Variants in MACROD2 observed in about 807,000 individuals in gnomAD.
MACROD2 encodes the protein mono-ADP ribosylhydrolase 2.
In MACROD2, 36 loss-of-function variants were observed where a neutral mutation model predicts 70.4. The ratio of observed to expected loss-of-function variants is 0.51; its 90% CI spans 0.39 to 0.68. The LOEUF is 0.68. Among genes scored for constraint, MACROD2 ranks in the 30% least tolerant of loss-of-function variants. The pLI is 0.00. For missense variants in MACROD2, 496 were observed against 538.4 expected (o/e 0.92, Z 0.78); for synonymous variants, 172 against 178.8 (o/e 0.96, Z 0.30).
chr20:15,118,700 T>C (rs548723350), intron 5 of MACROD2, among the ~76,000 whole-genome samples: 45 of 152,338 alleles, frequency 3.0e-4, no homozygotes, highest in South Asian at 1.9e-3. Flanking sequence ...GTTTAGGTTG[T>C]AGAACAAATC....
chr20:14,599,085 C>T (rs1379611871), intron 4 of MACROD2, among the ~76,000 whole-genome samples: 2 of 151,972 alleles, frequency 1.3e-5, no homozygotes, highest in Non-Finnish European at 2.9e-5. Context: ...AGGCATTAAC[C>T]ATCTAGCAGG....
intron 8 of MACROD2, among the ~76,000 whole-genome samples, chr20:15,563,112 CTGA>C (rs1251002107): frequency 6.6e-6 from 1 of 152,182 alleles, no homozygotes; most frequent in Non-Finnish European, 1.5e-5. Flanking sequence ...TGCTTATTCG[CTGA>C]TGAGGATGCA....
At chr20:14,910,795 G>A (rs1357547164) in intron 5 of MACROD2, among the ~76,000 whole-genome samples, 1 of 152,080 alleles carries the variant, frequency 6.6e-6, no homozygotes, top group Non-Finnish European at 1.5e-5. Flanking sequence ...TCCTAAGCTT[G>A]TTAGGTAACT....
chr20:14,575,897 G>A (rs999033771), intron 4 of MACROD2, among the ~76,000 whole-genome samples: 6 of 151,926 alleles, frequency 3.9e-5, no homozygotes, highest in African/African-American at 1.2e-4. Flanking sequence ...TCTTTCTGTC[G>A]AACAATACTA....
intron 5 of MACROD2, among the ~76,000 whole-genome samples, chr20:15,137,877 G>C (rs904936181): frequency 2.0e-5 from 3 of 152,010 alleles, no homozygotes; most frequent in Non-Finnish European, 4.4e-5. Flanking sequence ...GAAAAAGATG[G>C]GGTTAGTTGA....
At chr20:15,160,370 A>C (rs2076340017) in intron 5 of MACROD2, among the ~76,000 whole-genome samples, 2 of 152,134 alleles carry the variant, frequency 1.3e-5, no homozygotes, top group African/African-American at 2.4e-5. Context: ...CAAAGTTTCA[A>C]CTAAAAACAT....
intron 4 of MACROD2, among the ~76,000 whole-genome samples, chr20:14,662,672 A>G (rs1448913956): frequency 5.3e-5 from 8 of 152,144 alleles, no homozygotes; most frequent in Admixed American, 3.9e-4. Flanking sequence ...AAATTAGGCA[A>G]AGGACATGAA....
At chr20:14,913,025 T>C (rs976073613) in intron 5 of MACROD2, among the ~76,000 whole-genome samples, 1 of 152,052 alleles carries the variant, frequency 6.6e-6, no homozygotes, top group Non-Finnish European at 1.5e-5. Context: ...CCCTGTTCAG[T>C]TAGGAATAAA....
chr20:14,444,483 GC>G (rs924246742), intron 3 of MACROD2, among the ~76,000 whole-genome samples: 3 of 151,802 alleles, frequency 2.0e-5, no homozygotes. Context: ...TATCTGCCCA[GC>G]CTCTTAATAT....
At chr20:15,494,766 CGT>C (rs1555829379) in intron 7 of MACROD2, among the ~76,000 whole-genome samples, 1 of 82,668 alleles carries the variant, frequency 1.2e-5, no homozygotes, top group Non-Finnish European at 3.0e-5. Context: ...TGTGTGTGCG[CGT>C]GTGTGTGTGC....
Position 15,206,726 on chromosome 20 carries a change from T to TTTTTTTTTTTGTTTG in MACROD2, c.419-23204_419-23203insGTTTGTTTTTTTTTT, listed in dbSNP as rs1568636156. ...AAGTCTTTCATATTATCTATGTTTT[T>TTTTTTTTTTTGTTTG]TTTTTTTTTTTTTTTTTTTTTGAGA... On this transcript the variant is annotated intron_variant, in intron 5 of 17. Coordinates refer to ENST00000684519, the MANE Select transcript of MACROD2 (RefSeq NM_001351661.2). Among the ~76,000 whole-genome samples the TTTTTTTTTTTGTTTG allele has an allele frequency of 1.5e-3, 94 of 61,650 alleles. 3 individuals carry two copies. Among genetic ancestry groups the TTTTTTTTTTTGTTTG allele is most frequent in the Non-Finnish European group, 2.3e-3 (74 of 31,758 alleles). The allele number at this position is 61,650 out of a possible 152,430, so 40.4% of individuals were successfully genotyped here.
At chr20:14,353,872 G>C (rs1318113122) in intron 3 of MACROD2, among the ~76,000 whole-genome samples, 3 of 152,094 alleles carry the variant, frequency 2.0e-5, no homozygotes, top group African/African-American at 7.2e-5. Context: ...ATGATGATTG[G>C]CTGGGGGGCA....
At chr20:15,544,767 A>C (rs2048004695) in intron 8 of MACROD2, among the ~76,000 whole-genome samples, 1 of 152,214 alleles carries the variant, frequency 6.6e-6, no homozygotes, top group Non-Finnish European at 1.5e-5. Context: ...TAGGTAAATA[A>C]CAGCTATCTG....
chr20:15,887,352 TG>T (rs2064835082), intron 10 of MACROD2, among the ~76,000 whole-genome samples: 1 of 152,110 alleles, frequency 6.6e-6, no homozygotes, highest in South Asian at 2.1e-4. Flanking sequence ...CCAAATGCAA[TG>T]GATTCAGAGG....
chr20:14,799,317 C>G (rs1286975323), intron 5 of MACROD2, among the ~76,000 whole-genome samples: 1 of 152,032 alleles, frequency 6.6e-6, no homozygotes, highest in Non-Finnish European at 1.5e-5. Context: ...CACAATCTTA[C>G]TATTAAAATA....
rs3045673 is a variant in MACROD2 at position 14,912,311 on chromosome 20, TATATC to T, written c.418+227357_418+227361del. On this transcript the variant is annotated intron_variant, in intron 5 of 17. Coordinates refer to ENST00000684519, the MANE Select transcript of MACROD2 (RefSeq NM_001351661.2). Reference sequence around the variant, plus strand: ...AGCAAACTTAATACTTAGTGATTATTATATCATATAACAAATGCTCTTATGGATCA... The same window carrying T: ...AGCAAACTTAATACTTAGTGATTATTATATAACAAATGCTCTTATGGATCA... 4.2e-3 allele frequency among the ~76,000 whole-genome samples: 636 copies of T among 152,336 alleles called. 3 individuals are homozygous for T. Among genetic ancestry groups the T allele is most frequent in the African/African-American group, 0.015 (610 of 41,578 alleles).
chr20:15,005,827 T>C lies in MACROD2; in HGVS notation c.419-224113T>C, dbSNP rs770786611. ...ACTGGTTGGCTGCTTGTGGAACCAG[T>C]TTGAGCTTCAGTCTTTTAGTTGATA... On this transcript the variant is annotated intron_variant, in intron 5 of 17. Coordinates refer to ENST00000684519, the MANE Select transcript of MACROD2 (RefSeq NM_001351661.2). Among the ~76,000 whole-genome samples the C allele has an allele frequency of 7.5e-4, 114 of 152,140 alleles. 1 individual carries two copies. Among genetic ancestry groups the C allele is most frequent in the Non-Finnish European group, 3.4e-4 (23 of 68,028 alleles).
chr20:15,933,383 A>C (rs779978786), intron 11 of MACROD2, 45 bp downstream of exon 11: 2 of 1,527,358 alleles, frequency 1.3e-6, no homozygotes, highest in Non-Finnish European at 1.8e-6. Flanking sequence ...CCTCATCTGC[A>C]GAGGTGAACA....
intron 8 of MACROD2, among the ~76,000 whole-genome samples, chr20:15,694,952 CA>C (rs2050346638): frequency 6.6e-6 from 1 of 152,146 alleles, no homozygotes; most frequent in Non-Finnish European, 1.5e-5. Context: ...CCAATTATCC[CA>C]GCACAATTTG....
Sources: gnomAD v4.1 joint callset for allele counts (sites outside exome capture counted in the v4.1 genomes callset) on GRCh38, gnomAD v4.1.1 for gene constraint, MANE v1.5 for transcripts, NCBI Gene and HGNC (gene_info 2026-07-23, HGNC 2026-07-21) for gene names.